RANBP2: variants seen among roughly 807,000 people sequenced by gnomAD.
RANBP2 encodes RAN binding protein 2.
Under a neutral mutation model 303.6 loss-of-function variants are expected in RANBP2, and 57 were observed. The observed-to-expected ratio is 0.19, with a 90% CI of 0.15 to 0.23. The LOEUF (loss-of-function observed/expected upper bound fraction) is 0.23. RANBP2 is among the 10% of genes least tolerant of loss of function. The pLI is 1.00. For synonymous variants in RANBP2, 1,167 were observed against 1,301.5 expected (o/e 0.90, Z 2.23); for missense variants, 3,138 against 3,780.8 (o/e 0.83, Z 4.46).
At chr2:109,511,219 G>A in the RANBP2 span, among the ~76,000 whole-genome samples, 61 of 152,260 alleles carry the variant, frequency 4.0e-4, no homozygotes, top group South Asian at 0.012. Context: ...CTGATGTCAG[G>A]GCCATTGACA....
chr2:108,951,995 C>T, the RANBP2 span, among the ~76,000 whole-genome samples: 1 of 152,176 alleles, frequency 6.6e-6, no homozygotes, highest in African/African-American at 2.4e-5. Context: ...GCAGGCAGGA[C>T]CAAGAATATT....
the RANBP2 span, among the ~76,000 whole-genome samples, chr2:108,987,021 G>A: frequency 1.3e-5 from 2 of 152,196 alleles, no homozygotes; most frequent in Admixed American, 1.3e-4. Context: ...GATAATTGAG[G>A]CATGCAGGCA....
At chr2:109,428,515 C>A in the RANBP2 span, among the ~76,000 whole-genome samples, 1 of 152,234 alleles carries the variant, frequency 6.6e-6, no homozygotes, top group Non-Finnish European at 1.5e-5. Flanking sequence ...TGGTGAGCCC[C>A]TGGCCCCATG....
chr2:108,961,198 A>C, the RANBP2 span, among the ~76,000 whole-genome samples: 1 of 152,200 alleles, frequency 6.6e-6, no homozygotes, highest in Non-Finnish European at 1.5e-5. Flanking sequence ...CAGACAGAAA[A>C]AGAAGACTGA....
At chr2:109,621,138 T>G in the RANBP2 span, among the ~76,000 whole-genome samples, 10 of 152,086 alleles carry the variant, frequency 6.6e-5, no homozygotes, top group Admixed American at 6.6e-4. Context: ...TAGAATCATA[T>G]AAGTTGTTGG....
the RANBP2 span, among the ~76,000 whole-genome samples, chr2:109,036,924 A>T: frequency 6.6e-6 from 1 of 152,130 alleles, no homozygotes; most frequent in South Asian, 2.1e-4. Context: ...TGGGCAGATC[A>T]CTTGAGGTCA....
intron 1 of RANBP2, among the ~76,000 whole-genome samples, chr2:108,727,468 C>T (rs545160118): frequency 2.6e-5 from 4 of 152,178 alleles, no homozygotes; most frequent in East Asian, 1.9e-4. Flanking sequence ...AAACATGTTT[C>T]GATTGACGGC....
chr2:109,055,239 T>G, the RANBP2 span, among the ~76,000 whole-genome samples: 1 of 152,226 alleles, frequency 6.6e-6, no homozygotes, highest in Admixed American at 6.5e-5. Flanking sequence ...TTTTAAAGAA[T>G]TGGGTTGCTT....
At chr2:109,499,921 G>C in the RANBP2 span, among the ~76,000 whole-genome samples, 28 of 152,330 alleles carry the variant, frequency 1.8e-4, no homozygotes, top group African/African-American at 6.5e-4. Flanking sequence ...ACAAGTGACT[G>C]GGGGTTTCCA....
At chr2:108,834,480 G>A in the RANBP2 span, among the ~76,000 whole-genome samples, 1 of 152,126 alleles carries the variant, frequency 6.6e-6, no homozygotes, top group African/African-American at 2.4e-5. Context: ...CTCCCAAAGT[G>A]CTGGGATTAC....
At chr2:109,299,288 TA>T in the RANBP2 span, among the ~76,000 whole-genome samples, 2 of 152,374 alleles carry the variant, frequency 1.3e-5, no homozygotes, top group African/African-American at 4.8e-5. Flanking sequence ...TTATAGATTT[TA>T]TTTTGTTATT....
the RANBP2 span, chr2:109,544,845 A>G: frequency 1.1e-4 from 87 of 767,072 alleles, no homozygotes; most frequent in South Asian, 4.2e-3. Flanking sequence ...GGGGATGGCT[A>G]TATCAATGAA....
At chr2:109,034,270 C>CAAAAAAAA in the RANBP2 span, among the ~76,000 whole-genome samples, 1 of 38,108 alleles carries the variant, frequency 2.6e-5, no homozygotes, top group Non-Finnish European at 4.1e-5. Flanking sequence ...GACTCCATCT[C>CAAAAAAAA]AAAAAAAAAA....
the RANBP2 span, chr2:109,616,360 T>TGAA: frequency 7.9e-4 from 195 of 247,752 alleles, 1 homozygote; most frequent in Non-Finnish European, 2.5e-4. Context: ...AATGAATGAA[T>TGAA]TAATGAATGA....
At chr2:109,519,470 C>T in the RANBP2 span, among the ~76,000 whole-genome samples, 1 of 152,226 alleles carries the variant, frequency 6.6e-6, no homozygotes, top group South Asian at 2.1e-4. Context: ...GGAACATTGA[C>T]CTGTATGTCA....
the RANBP2 span, among the ~76,000 whole-genome samples, chr2:109,716,344 C>T: frequency 2.6e-5 from 4 of 151,890 alleles, no homozygotes; most frequent in South Asian, 2.1e-4. Context: ...CTCTGCCTCC[C>T]GGGTTCAAGC....
At chr2:109,044,309 A>G in the RANBP2 span, among the ~76,000 whole-genome samples, 12 of 152,148 alleles carry the variant, frequency 7.9e-5, no homozygotes, top group East Asian at 2.3e-3. Context: ...TCATGAGGTC[A>G]AGAGATTGAG....
At chr2:108,980,167 T>C in the RANBP2 span, among the ~76,000 whole-genome samples, 24 of 152,262 alleles carry the variant, frequency 1.6e-4, no homozygotes, top group East Asian at 4.6e-3. Context: ...CTCAACCTGA[T>C]ACTTTACTAT....
At chr2:109,173,541 A>G in the RANBP2 span, among the ~76,000 whole-genome samples, 7 of 152,166 alleles carry the variant, frequency 4.6e-5, no homozygotes, top group Admixed American at 4.6e-4. Flanking sequence ...TGGCTGCCTA[A>G]CAACAGAGCT....
Sources: allele counts gnomAD v4.1 joint callset (sites outside exome capture counted in the v4.1 genomes callset), GRCh38; gene constraint gnomAD v4.1.1; transcripts MANE v1.5; gene names NCBI Gene and HGNC (gene_info 2026-07-23, HGNC 2026-07-21).